The following MECOM variants were observed in gnomAD, a reference collection of about 807,000 sequenced individuals.
The protein encoded by MECOM is histone-lysine N-methyltransferase MECOM.
Under a neutral mutation model 116.3 loss-of-function variants are expected in MECOM, and 13 were observed. That is an observed-to-expected ratio of 0.11 (90% CI 0.07 to 0.18). The LOEUF (loss-of-function observed/expected upper bound fraction) is 0.18, where lower values mean the gene tolerates loss of function less well. MECOM is among the 10% of genes least tolerant of loss of function. The probability of loss-of-function intolerance (pLI) is 1.00; values close to 1 mark genes in which losing one functional copy is unlikely to be tolerated. For synonymous variants in MECOM, 528 were observed against 535.2 expected (o/e 0.99, Z 0.19); for missense variants, 1,299 against 1,509.0 (o/e 0.86, Z 2.31).
At chr3:169,365,577 G>A (rs780783155) in intron 2 of MECOM, among the ~76,000 whole-genome samples, 1 of 151,970 alleles carries the variant, frequency 6.6e-6, no homozygotes, top group Non-Finnish European at 1.5e-5. Context: ...ATTACCTAAG[G>A]GAATTAGCAA....
chr3:169,434,346 A>G (rs931591781), intron 1 of MECOM, among the ~76,000 whole-genome samples: 2 of 152,212 alleles, frequency 1.3e-5, no homozygotes, highest in Non-Finnish European at 2.9e-5. Context: ...CCTACCAGAA[A>G]TAATAGTAAC....
chr3:169,296,715 A>C (rs1275791311), intron 2 of MECOM, among the ~76,000 whole-genome samples: 2 of 152,204 alleles, frequency 1.3e-5, no homozygotes, highest in Non-Finnish European at 2.9e-5. Flanking sequence ...ACAGGAATAG[A>C]CTTGGCACTT....
At chr3:169,539,109 A>G (rs1759748769) in intron 1 of MECOM, among the ~76,000 whole-genome samples, 1 of 152,024 alleles carries the variant, frequency 6.6e-6, no homozygotes, top group Non-Finnish European at 1.5e-5. Context: ...TAGACTATCC[A>G]GGAAAATATA....
chr3:169,498,314 A>C (rs1754087528), intron 1 of MECOM, among the ~76,000 whole-genome samples: 1 of 152,250 alleles, frequency 6.6e-6, no homozygotes, highest in Non-Finnish European at 1.5e-5. Flanking sequence ...GTGTAAGTAC[A>C]TGCCAAAATT....
At chr3:169,373,000 C>T (rs918585823) in intron 2 of MECOM, among the ~76,000 whole-genome samples, 4 of 151,964 alleles carry the variant, frequency 2.6e-5, no homozygotes, top group African/African-American at 9.7e-5. Flanking sequence ...ATGAGAAAAA[C>T]CTCATCCTGA....
chr3:169,630,009 C>T (rs149229338), intron 1 of MECOM, among the ~76,000 whole-genome samples: 1 of 152,338 alleles, frequency 6.6e-6, no homozygotes, highest in Non-Finnish European at 1.5e-5. Context: ...CTAGTCCCAG[C>T]CTGCTCCTCC....
At position 169,381,350 on chromosome 3, in the gene MECOM, G is replaced by A. The variant is rs1195556096; in HGVS notation, c.212C>T (p.Pro71Leu). Residue 71 changes from proline to leucine, a missense_variant, in exon 2 of 17, where the codon CCT (proline) becomes CTT (leucine). Coordinates refer to ENST00000651503, the MANE Select transcript of MECOM (RefSeq NM_004991.4). Reference sequence around the variant, plus strand: ...CTCAGCAGGAATGGGGATATCATCAGGGATGTAGATGGGGGCTTTGTAAGG... The same window carrying A: ...CTCAGCAGGAATGGGGATATCATCAAGGATGTAGATGGGGGCTTTGTAAGG... ...GSPYKAPIYIPDDIPIPAEFE... is the reference protein window; with the variant it reads ...GSPYKAPIYILDDIPIPAEFE... 3.2e-5 allele frequency: 52 copies of A among 1,613,768 alleles called. No individual in the cohort carries two copies. Among genetic ancestry groups the A allele is most frequent in the Non-Finnish European group, 4.2e-5 (50 of 1,179,824 alleles).
intron 1 of MECOM, among the ~76,000 whole-genome samples, chr3:169,525,000 G>A (rs776875237): frequency 2.6e-5 from 4 of 151,384 alleles, no homozygotes; most frequent in Non-Finnish European, 5.9e-5. Context: ...CATATTGTGA[G>A]ATTAATCTGT....
chr3:169,486,013 T>TAC (rs1752309449), intron 1 of MECOM, among the ~76,000 whole-genome samples: 1 of 129,578 alleles, frequency 7.7e-6, no homozygotes, highest in Admixed American at 8.2e-5. Context: ...ATACTATATA[T>TAC]ATATGTATAT....
At chr3:169,375,711 C>G (rs1245333534) in intron 2 of MECOM, among the ~76,000 whole-genome samples, 1 of 152,000 alleles carries the variant, frequency 6.6e-6, no homozygotes. Context: ...AAAAAAAGCC[C>G]AGGACCAGAC....
chr3:169,201,163 T>G (rs574470291), intron 2 of MECOM, among the ~76,000 whole-genome samples: 2 of 152,144 alleles, frequency 1.3e-5, no homozygotes, highest in African/African-American at 4.8e-5. Flanking sequence ...GTTTACTTAA[T>G]GCACTTTGCA....
chr3:169,662,909 G>A (rs1166844171), intron 1 of MECOM, among the ~76,000 whole-genome samples: 1 of 136,660 alleles, frequency 7.3e-6, no homozygotes, highest in East Asian at 2.6e-4. Context: ...TCCCACACCC[G>A]GGACTAGCTG....
intron 1 of MECOM, among the ~76,000 whole-genome samples, chr3:169,650,261 T>C (rs1486471659): frequency 1.3e-5 from 2 of 152,248 alleles, no homozygotes; most frequent in Non-Finnish European, 2.9e-5. Context: ...TCATAATTCA[T>C]AAGCTAGAAA....
chr3:169,317,045 T>G (rs1374770764), intron 2 of MECOM, among the ~76,000 whole-genome samples: 6 of 152,344 alleles, frequency 3.9e-5, no homozygotes, highest in Non-Finnish European at 7.3e-5. Context: ...TTTCCCAGCG[T>G]GAGGGACCTT....
At chr3:169,399,642 C>G (rs946103117) in intron 1 of MECOM, among the ~76,000 whole-genome samples, 5 of 152,148 alleles carry the variant, frequency 3.3e-5, no homozygotes, top group Admixed American at 6.5e-5. Context: ...TGAGCTAAAC[C>G]TTGTACAACA....
intron 1 of MECOM, among the ~76,000 whole-genome samples, chr3:169,466,734 TAGAG>T (rs1453928442): frequency 6.6e-6 from 1 of 152,042 alleles, no homozygotes; most frequent in Admixed American, 6.6e-5. Context: ...TACAGATACA[TAGAG>T]AGAGATTCTG....
intron 1 of MECOM, among the ~76,000 whole-genome samples, chr3:169,553,515 T>C (rs1338843971): frequency 6.6e-6 from 1 of 152,266 alleles, no homozygotes; most frequent in African/African-American, 2.4e-5. Context: ...CTCTTTACAT[T>C]GTGGCAGGGA....
At chr3:169,378,426 A>AG (rs1731493715) in intron 2 of MECOM, among the ~76,000 whole-genome samples, 1 of 75,588 alleles carries the variant, frequency 1.3e-5, no homozygotes, top group African/African-American at 9.3e-5. Flanking sequence ...AGAAAGAAAG[A>AG]AAGAAAGAAA....
chr3:169,242,250 T>A (rs2149553206), intron 2 of MECOM, among the ~76,000 whole-genome samples: 1 of 152,240 alleles, frequency 6.6e-6, no homozygotes, highest in African/African-American at 2.4e-5. Context: ...CTCCACAAAT[T>A]CCTGACTCTC....
Sources: allele counts gnomAD v4.1 joint callset (sites outside exome capture counted in the v4.1 genomes callset), GRCh38; gene constraint gnomAD v4.1.1; transcripts MANE v1.5; gene names NCBI Gene and HGNC (gene_info 2026-07-23, HGNC 2026-07-21).